Variants in RPTOR observed in about 807,000 individuals in gnomAD.
The protein encoded by RPTOR is regulatory associated protein of MTOR complex 1, also known as regulatory-associated protein of mTOR.
In RPTOR, 21 loss-of-function variants were observed where a neutral mutation model predicts 169.9. That is an observed-to-expected ratio of 0.12 (90% CI 0.09 to 0.18). The LOEUF is 0.18. RPTOR is among the 10% of genes least tolerant of loss of function. The pLI is 1.00. For missense variants in RPTOR, 1,133 were observed against 1,855.9 expected, an observed-to-expected ratio of 0.61 and a Z score of 7.16; for synonymous variants, 732 against 753.2, an observed-to-expected ratio of 0.97 and a Z score of 0.46.
At chr17:80,894,900 C>G (rs2068378949) in intron 20 of RPTOR, among the ~76,000 whole-genome samples, 1 of 152,252 alleles carries the variant, frequency 6.6e-6, no homozygotes, top group African/African-American at 2.4e-5. Flanking sequence ...ACACGTGGTG[C>G]CCACTTAGAG....
At chr17:80,792,912 A>G (rs2067063872) in intron 7 of RPTOR, among the ~76,000 whole-genome samples, 1 of 151,586 alleles carries the variant, frequency 6.6e-6, no homozygotes, top group African/African-American at 2.4e-5. Flanking sequence ...CCCCACACAC[A>G]CACCGGATGC....
At chr17:80,565,917 G>T (rs1260103560) in intron 1 of RPTOR, among the ~76,000 whole-genome samples, 1 of 152,198 alleles carries the variant, frequency 6.6e-6, no homozygotes, top group Admixed American at 6.5e-5. Flanking sequence ...TTGGTGCCCG[G>T]TTTCTACACT....
In RPTOR at chr17:80,957,528, G is replaced by A. The variant is rs917539997; in HGVS notation, c.3371-96G>A. On this transcript the variant is annotated intron_variant, in intron 28 of 33. Coordinates refer to ENST00000306801, the MANE Select transcript of RPTOR (RefSeq NM_020761.3). The surrounding 1 kb of genome is among the most constrained non-coding windows in gnomAD (Gnocchi z 4.6). Reference sequence around the variant, plus strand: ...GGCTCGATGGTGGCAGGGGTACCTTGTAGCTGCTGGCCAAATTGCTGCCCA... The same window carrying A: ...GGCTCGATGGTGGCAGGGGTACCTTATAGCTGCTGGCCAAATTGCTGCCCA... The A allele has an allele frequency of 8.9e-7, 1 of 1,125,806 alleles. No homozygotes were observed. The highest frequency in any genetic ancestry group is 1.3e-5 in the South Asian group (1 of 79,974). 69.7% of individuals were successfully genotyped at this position (1,125,806 alleles called of 1,614,324 possible).
At chr17:80,667,477 C>CT (rs2065789741) in intron 3 of RPTOR, among the ~76,000 whole-genome samples, 1 of 152,150 alleles carries the variant, frequency 6.6e-6, no homozygotes, top group South Asian at 2.1e-4. Flanking sequence ...GTGAGGTGCT[C>CT]TTTTTTCTAC....
rs1330209154 is a variant in RPTOR, at chr17:80,846,589, A to T, written c.1314+15A>T. On this transcript the variant is annotated intron_variant, in intron 11 of 33. Coordinates refer to ENST00000306801, the MANE Select transcript of RPTOR (RefSeq NM_020761.3). Reference sequence around the variant, plus strand: ...TCGTCCTGCAGGTGAGTTTCTTCAGACCGGGCCAGACAGCCGAGGTTCCTC... The same window carrying T: ...TCGTCCTGCAGGTGAGTTTCTTCAGTCCGGGCCAGACAGCCGAGGTTCCTC... 1 of 1,611,088 alleles carries T rather than the reference A, an allele frequency of 6.2e-7. No individual in the cohort carries two copies. Among genetic ancestry groups the T allele is most frequent in the Non-Finnish European group, 8.5e-7 (1 of 1,177,348 alleles).
intron 6 of RPTOR, among the ~76,000 whole-genome samples, chr17:80,765,950 T>C (rs1025074624): frequency 6.6e-6 from 1 of 152,240 alleles, no homozygotes; most frequent in African/African-American, 2.4e-5. Context: ...TTAGAATTCC[T>C]GACCCCCAGT....
At chr17:80,733,316 A>G (rs1248501668) in intron 5 of RPTOR, among the ~76,000 whole-genome samples, 2 of 152,252 alleles carry the variant, frequency 1.3e-5, no homozygotes, top group African/African-American at 4.8e-5. Flanking sequence ...AAAATTAAGG[A>G]TAATATTCAA....
At chr17:80,900,226 C>T (rs1336214027) in intron 20 of RPTOR, among the ~76,000 whole-genome samples, 1 of 152,106 alleles carries the variant, frequency 6.6e-6, no homozygotes, top group Non-Finnish European at 1.5e-5. Context: ...CTCCCCGCCT[C>T]GCAGCCACCT....
Position 80,774,393 on chromosome 17 carries a change from C to T in RPTOR, c.831-17057C>T, listed in dbSNP as rs897277377. 16 of 972,886 alleles carry T rather than the reference C, an allele frequency of 1.6e-5. No homozygotes were observed. In the African/African-American group the frequency reaches 1.8e-4, roughly 11 times the overall value. The allele number at this position is 972,886 out of a possible 1,614,324, so 60.3% of individuals were successfully genotyped here. On this transcript the variant is annotated intron_variant, in intron 6 of 33. Transcript: ENST00000306801. ...CAGAGTATTCTCCCTTATGGTGTCA[C>T]ATTTGCTCTTACTAATAACCCAGGA...
intron 28 of RPTOR, among the ~76,000 whole-genome samples, chr17:80,956,689 G>T (rs2069254319): frequency 6.6e-6 from 1 of 152,266 alleles, no homozygotes; most frequent in Non-Finnish European, 1.5e-5. Context: ...GTCTGCTCCA[G>T]ATGGTGAGCA....
intron 10 of RPTOR, among the ~76,000 whole-genome samples, chr17:80,840,577 G>A (rs1397396311): frequency 4.3e-5 from 5 of 117,586 alleles, no homozygotes; most frequent in Admixed American, 9.5e-5. Context: ...CACACCGCAC[G>A]GCAGCTCACA....
intron 21 of RPTOR, chr17:80,909,997 C>T (rs982377250): frequency 6.6e-6 from 1 of 152,220 alleles, no homozygotes; most frequent in African/African-American, 2.4e-5. Context: ...GGCATTTGGC[C>T]TACCGCCTTC....
chr17:80,733,208 A>G (rs1295154610), intron 5 of RPTOR, among the ~76,000 whole-genome samples: 1 of 152,188 alleles, frequency 6.6e-6, no homozygotes, highest in Non-Finnish European at 1.5e-5. Context: ...CAGATACAGT[A>G]TTGCACACAC....
intron 1 of RPTOR, among the ~76,000 whole-genome samples, chr17:80,575,610 G>T (rs188506988): frequency 1.3e-5 from 2 of 152,296 alleles, no homozygotes; most frequent in Admixed American, 1.3e-4. Flanking sequence ...AATTTCAGCT[G>T]CTCTGTCCCT....
At chr17:80,660,268 C>T (rs1257197008) in intron 3 of RPTOR, among the ~76,000 whole-genome samples, 1 of 110,808 alleles carries the variant, frequency 9.0e-6, no homozygotes, top group Admixed American at 8.7e-5. Flanking sequence ...GAGACTGTGT[C>T]TCAAAAAAAA....
At chr17:80,758,745 C>T (rs1373532423) in intron 6 of RPTOR, among the ~76,000 whole-genome samples, 1 of 152,040 alleles carries the variant, frequency 6.6e-6, no homozygotes, top group African/African-American at 2.4e-5. Flanking sequence ...GAATCAACAC[C>T]ACACCAGCTC....
chr17:80,709,155 A>G (rs546828587), intron 4 of RPTOR: 2 of 874,124 alleles, frequency 2.3e-6, no homozygotes, highest in African/African-American at 3.6e-5. Flanking sequence ...GGGCAGTGCC[A>G]TCTCTCCCCG....
intron 33 of RPTOR, 86 bp downstream of exon 33, chr17:80,963,143 C>G: frequency 1.6e-6 from 2 of 1,283,204 alleles, no homozygotes; most frequent in Non-Finnish European, 2.2e-6. Flanking sequence ...AGGGGTCCTG[C>G]CTGGCTACCC....
At chr17:80,770,794 G>A (rs772755912) in intron 6 of RPTOR, among the ~76,000 whole-genome samples, 1 of 152,184 alleles carries the variant, frequency 6.6e-6, no homozygotes, top group Non-Finnish European at 1.5e-5. Flanking sequence ...ACAAATGTTT[G>A]TACTCAAATT....
Sources: gnomAD v4.1 joint callset for allele counts (sites outside exome capture counted in the v4.1 genomes callset) on GRCh38, gnomAD v4.1.1 for gene constraint, Gnocchi (gnomAD v3.1) non-coding constraint, MANE v1.5 for transcripts, NCBI Gene and HGNC (gene_info 2026-07-23, HGNC 2026-07-21) for gene names.